GRM7: variants seen among roughly 807,000 people sequenced by gnomAD.
GRM7 encodes glutamate metabotropic receptor 7, also known as metabotropic glutamate receptor 7.
Under a neutral mutation model 84.5 loss-of-function variants are expected in GRM7, and 35 were observed. The observed-to-expected ratio is 0.41, with a 90% CI of 0.32 to 0.55. GRM7 has a LOEUF of 0.55. Among genes scored for constraint, GRM7 ranks in the 20% least tolerant of loss-of-function variants. The pLI is 0.19. For synonymous variants in GRM7, 487 were observed against 455.1 expected (o/e 1.07, Z -0.89); for missense variants, 1,003 against 1,194.6 (o/e 0.84, Z 2.36).
chr3:7,066,514 A>C (rs1697670679), intron 1 of GRM7, among the ~76,000 whole-genome samples: 1 of 151,922 alleles, frequency 6.6e-6, no homozygotes, highest in South Asian at 2.1e-4. Flanking sequence ...ACAAGCAGCA[A>C]GATTGAAATG....
chr3:7,368,771 TA>T (rs1332144952), intron 4 of GRM7, among the ~76,000 whole-genome samples: 1 of 152,162 alleles, frequency 6.6e-6, no homozygotes, highest in Non-Finnish European at 1.5e-5. Flanking sequence ...AGTAGTCCCT[TA>T]ATCTCCTAGC....
chr3:7,219,085 G>A (rs541061345), intron 2 of GRM7, among the ~76,000 whole-genome samples: 59 of 152,226 alleles, frequency 3.9e-4, no homozygotes, highest in African/African-American at 1.4e-3. Context: ...AGGTCACACA[G>A]GTTTTTTCCC....
rs1405134097 is a variant in GRM7, at chr3:7,602,551, G to A, written c.2451+23194G>A. Among the ~76,000 whole-genome samples, 9 of 152,086 alleles carry A rather than the reference G, an allele frequency of 5.9e-5. No individual in the cohort carries two copies. In the East Asian group the frequency reaches 9.6e-4, roughly 16 times the overall value. ...AGAGGAAACAATCCACATCTCTTCC[G>A]TGCTCTCCCCTGTGCCCAGGCTTTC... On this transcript the variant is annotated intron_variant, in intron 8 of 9. Transcript: ENST00000357716.
intron 1 of GRM7, among the ~76,000 whole-genome samples, chr3:7,027,068 C>A (rs1412710729): frequency 6.6e-6 from 1 of 152,154 alleles, no homozygotes. Flanking sequence ...AAAGGGTCAC[C>A]ACAAATTCCA....
intron 8 of GRM7, among the ~76,000 whole-genome samples, chr3:7,671,670 T>G (rs1699924665): frequency 6.6e-6 from 1 of 151,398 alleles, no homozygotes; most frequent in South Asian, 2.1e-4. Flanking sequence ...TGTGTGAGTG[T>G]ATCTCTATCT....
intron 7 of GRM7, among the ~76,000 whole-genome samples, chr3:7,521,528 C>G (rs1700592600): frequency 1.3e-5 from 2 of 152,122 alleles, no homozygotes; most frequent in South Asian, 4.1e-4. Flanking sequence ...CAGACTCTCA[C>G]CAGACACTGA....
At chr3:7,079,184 A>G (rs892375244) in intron 1 of GRM7, among the ~76,000 whole-genome samples, 2 of 152,030 alleles carry the variant, frequency 1.3e-5, no homozygotes, top group Admixed American at 1.3e-4. Flanking sequence ...TAATTAGAAT[A>G]CCTCTTTTTT....
At chr3:7,205,142 A>G (rs183172415) in intron 2 of GRM7, among the ~76,000 whole-genome samples, 1 of 152,322 alleles carries the variant, frequency 6.6e-6, no homozygotes, top group Admixed American at 6.5e-5. Flanking sequence ...GTCCTTTCAT[A>G]ATTTAAGACA....
At chr3:6,890,703 A>G (rs1173538655) in intron 1 of GRM7, among the ~76,000 whole-genome samples, 1 of 152,112 alleles carries the variant, frequency 6.6e-6, no homozygotes, top group East Asian at 1.9e-4. Flanking sequence ...AAAAATGTAT[A>G]TTCTGTTGAT....
chr3:7,254,457 G>A (rs1301109420), intron 2 of GRM7, among the ~76,000 whole-genome samples: 2 of 152,176 alleles, frequency 1.3e-5, no homozygotes, highest in Non-Finnish European at 2.9e-5. Context: ...AATGTTCAGC[G>A]TACAAGCTGT....
chr3:7,331,543 A>C (rs1701208635), intron 4 of GRM7, among the ~76,000 whole-genome samples: 1 of 152,210 alleles, frequency 6.6e-6, no homozygotes, highest in Non-Finnish European at 1.5e-5. Flanking sequence ...TTTCTTCTCT[A>C]GTCATCTAGC....
chr3:7,190,651 T>C (rs1695679310), intron 2 of GRM7, among the ~76,000 whole-genome samples: 1 of 152,152 alleles, frequency 6.6e-6, no homozygotes, highest in Non-Finnish European at 1.5e-5. Context: ...GGCCATCATT[T>C]TGCAAGCACA....
rs1700047685 is a variant in GRM7 at position 7,302,792 on chromosome 3, TTTTAAAC to T, written c.879-3705_879-3699del. 2.0e-5 allele frequency among the ~76,000 whole-genome samples: 3 copies of T among 152,138 alleles called. No individual in the cohort carries two copies. In the South Asian group the frequency reaches 6.2e-4, roughly 31 times the overall value. On this transcript the variant is annotated intron_variant, in intron 3 of 9. Transcript: ENST00000357716. ...CATCCTTTGGATGTATTGTCTTTTTTTTTAAACCAGTTTCCCATTGCTCTGTACTTAG... is the reference window on the plus strand; with the variant it reads ...CATCCTTTGGATGTATTGTCTTTTTTCAGTTTCCCATTGCTCTGTACTTAG...
intron 8 of GRM7, among the ~76,000 whole-genome samples, chr3:7,679,024 A>G (rs1575622516): frequency 6.6e-6 from 1 of 152,204 alleles, no homozygotes; most frequent in African/African-American, 2.4e-5. Flanking sequence ...AATGGGCAGA[A>G]AAATGATCAA....
chr3:7,456,543 C>T (rs376351352), intron 6 of GRM7, among the ~76,000 whole-genome samples: 133 of 128,944 alleles, frequency 1.0e-3, no homozygotes, highest in African/African-American at 3.2e-3. Flanking sequence ...TGATGTTATA[C>T]TTGAGACACA....
At chr3:7,253,401 G>T (rs2124943695) in intron 2 of GRM7, among the ~76,000 whole-genome samples, 1 of 152,068 alleles carries the variant, frequency 6.6e-6, no homozygotes, top group Admixed American at 6.5e-5. Context: ...GATCATCTGT[G>T]GTCAGGAGTT....
At chr3:7,092,513 A>G (rs935000288) in intron 1 of GRM7, among the ~76,000 whole-genome samples, 10 of 151,538 alleles carry the variant, frequency 6.6e-5, no homozygotes, top group African/African-American at 2.2e-4. Context: ...AAATAGTCAA[A>G]TGCTTACTGA....
intron 8 of GRM7, among the ~76,000 whole-genome samples, chr3:7,670,119 G>A (rs1312200543): frequency 2.6e-5 from 4 of 152,160 alleles, no homozygotes; most frequent in East Asian, 1.9e-4. Context: ...TGTGCCAGGC[G>A]CTCAGGGTGG....
chr3:6,862,865 TGCTCC>T lies in GRM7; in HGVS notation c.519+960_519+964del, dbSNP rs1240500166. 4 of 382,302 alleles carry T rather than the reference TGCTCC, an allele frequency of 1.0e-5. No homozygotes were observed. The Admixed American group carries it at 1.2e-4, about 12-fold the overall frequency. 23.7% of individuals were successfully genotyped at this position (382,302 alleles called of 1,614,324 possible). A position where few individuals can be genotyped will look rare whatever the true frequency, so the allele number is the denominator to read the frequency against. ...GTGAAGCGGGGCCCCGTGGTCCTCC[TGCTCC>T]GGTGCCGGAGGGAGACGGAGAAAAA... is the stretch of plus-strand genomic sequence containing the variant. On this transcript the variant is annotated intron_variant, in intron 1 of 9. Coordinates refer to ENST00000357716, the MANE Select transcript of GRM7 (RefSeq NM_000844.4). This position sits in a 1 kb window ranked among gnomAD's most constrained non-coding sequence, Gnocchi z 5.2.
Sources: gnomAD v4.1 joint callset for allele counts (sites outside exome capture counted in the v4.1 genomes callset) on GRCh38, gnomAD v4.1.1 for gene constraint, Gnocchi (gnomAD v3.1) non-coding constraint, MANE v1.5 for transcripts, NCBI Gene and HGNC (gene_info 2026-07-23, HGNC 2026-07-21) for gene names.